Variants in PLEKHH1 observed in about 807,000 individuals in gnomAD.
PLEKHH1 encodes the protein pleckstrin homology domain-containing family H member 1.
In PLEKHH1, 104 loss-of-function variants were observed where a neutral mutation model predicts 160.0. The observed-to-expected ratio is 0.65, with a 90% confidence interval of 0.55 to 0.76. PLEKHH1 has a LOEUF of 0.76. Among genes scored for constraint, PLEKHH1 ranks in the 30% least tolerant of loss-of-function variants. PLEKHH1 has a pLI of 0.00. For synonymous variants in PLEKHH1, 619 were observed against 678.4 expected (o/e 0.91, Z 1.36); for missense variants, 1,427 against 1,724.1 (o/e 0.83, Z 3.05).
chr14:67,537,352 T>A lies in PLEKHH1; in HGVS notation c.-35+3954T>A, dbSNP rs886928385. Reference sequence around the variant, plus strand: ...GAGCGAGACTCCATCTCAAAAATAATAATAATAATAATAATAATAATAATA... The same window carrying A: ...GAGCGAGACTCCATCTCAAAAATAAAAATAATAATAATAATAATAATAATA... On this transcript the variant is annotated intron_variant, in intron 1 of 28. Coordinates refer to ENST00000329153, the MANE Select transcript of PLEKHH1 (RefSeq NM_020715.3). 1.1e-4 allele frequency among the ~76,000 whole-genome samples: 15 copies of A among 131,104 alleles called. 2 individuals carry two copies. Among genetic ancestry groups the A allele is most frequent in the African/African-American group, 4.5e-4 (15 of 33,466 alleles). 86.0% of individuals were successfully genotyped at this position (131,104 alleles called of 152,430 possible).
chr14:67,582,251 CTTAGA>C lies in PLEKHH1; in HGVS notation c.3426+42_3426+46del. 5 of 1,612,684 alleles carry C rather than the reference CTTAGA, an allele frequency of 3.1e-6. No individual in the cohort carries two copies. The highest frequency in any genetic ancestry group is 4.2e-6 in the Non-Finnish European group (5 of 1,179,730). The stretch of plus-strand genomic sequence containing the variant: ...GGAAGCAGGAGGGTCGGGTTGCCAG[CTTAGA>C]ATGAATGCACCATGCAGCCTGAAAC... On this transcript the variant is annotated intron_variant, in intron 24 of 28. Coordinates refer to ENST00000329153, the MANE Select transcript of PLEKHH1 (RefSeq NM_020715.3). The surrounding 1 kb of genome is among the most constrained non-coding windows in gnomAD (Gnocchi z 5.0).
chr14:67,574,139 G>A lies in PLEKHH1; in HGVS notation c.1927-103G>A. 9.6e-7 allele frequency: 1 copy of A among 1,037,470 alleles called. No individual in the cohort carries two copies. Among genetic ancestry groups the A allele is most frequent in the Non-Finnish European group, 1.4e-6 (1 of 720,018 alleles). 64.3% of individuals were successfully genotyped at this position (1,037,470 alleles called of 1,614,324 possible). A position where few individuals can be genotyped will look rare whatever the true frequency, so the allele number is the denominator to read the frequency against. On this transcript the variant is annotated intron_variant, in intron 13 of 28. Transcript: ENST00000329153. This position sits in a 1 kb window ranked among gnomAD's most constrained non-coding sequence, Gnocchi z 4.2. Reference sequence around the variant, plus strand: ...GGAGGGAGCACTAGGGCAGGCAGAAGGCCAGCCCCTTGGGTTCAGGGACAG... The same window carrying A: ...GGAGGGAGCACTAGGGCAGGCAGAAAGCCAGCCCCTTGGGTTCAGGGACAG...
chr14:67,558,136 C>A lies in PLEKHH1; in HGVS notation c.339+718C>A, dbSNP rs117752432. 1.4e-3 allele frequency among the ~76,000 whole-genome samples: 216 copies of A among 152,304 alleles called. 2 individuals carry two copies. In the East Asian group the frequency reaches 0.015, roughly 10 times the overall value. On this transcript the variant is annotated intron_variant, in intron 4 of 28. Transcript: ENST00000329153. ...TCTACCTGCCAGTTCCTGTGTCCTG[C>A]CTTCTCCCCTTCACAATCTCACCAA... is the stretch of plus-strand genomic sequence containing the variant.
intron 2 of PLEKHH1, among the ~76,000 whole-genome samples, chr14:67,545,983 C>G (rs2140343797): frequency 6.6e-6 from 1 of 151,496 alleles, no homozygotes; most frequent in Admixed American, 6.6e-5. Context: ...TCTTAGATTA[C>G]AACAGTTAGA....
chr14:67,574,506 C>A lies in PLEKHH1; in HGVS notation c.2088+103C>A. 1.1e-6 allele frequency: 1 copy of A among 946,814 alleles called. No individual in the cohort carries two copies. The highest frequency in any genetic ancestry group is 2.9e-5 in the East Asian group (1 of 34,112). The allele number at this position is 946,814 out of a possible 1,614,324, so 58.7% of individuals were successfully genotyped here. On this transcript the variant is annotated intron_variant, in intron 14 of 28. Coordinates refer to ENST00000329153, the MANE Select transcript of PLEKHH1 (RefSeq NM_020715.3). The surrounding 1 kb of genome is among the most constrained non-coding windows in gnomAD (Gnocchi z 4.2). ...GTGGGTTCCCCCTTATACGGGGCTC[C>A]TTTCTCTGGGAGCCTCCTCACAGTG...
chr14:67,580,423 T>C (rs2035840556), intron 22 of PLEKHH1: 1 of 168,378 alleles, frequency 5.9e-6, no homozygotes, highest in African/African-American at 2.4e-5. Context: ...GATAAGTGTT[T>C]GTAAGAATGT....
Position 67,574,519 on chromosome 14 carries a change from C to A in PLEKHH1, c.2088+116C>A. The A allele has an allele frequency of 1.2e-6, 1 of 825,046 alleles. No individual in the cohort carries two copies. The highest frequency in any genetic ancestry group is 1.8e-6 in the Non-Finnish European group (1 of 570,904). The allele number at this position is 825,046 out of a possible 1,614,324, so 51.1% of individuals were successfully genotyped here. A position where few individuals can be genotyped will look rare whatever the true frequency, so the allele number is the denominator to read the frequency against. ...TATACGGGGCTCCTTTCTCTGGGAG[C>A]CTCCTCACAGTGACTCGCTGGCCAG... On this transcript the variant is annotated intron_variant, in intron 14 of 28. Coordinates refer to ENST00000329153, the MANE Select transcript of PLEKHH1 (RefSeq NM_020715.3). The surrounding 1 kb of genome is among the most constrained non-coding windows in gnomAD (Gnocchi z 4.2).
At chr14:67,555,956 C>T (rs1470159110) in intron 3 of PLEKHH1, 69 bp downstream of exon 3, 28 of 1,576,556 alleles carry the variant, frequency 1.8e-5, no homozygotes, top group Non-Finnish European at 2.3e-5. Flanking sequence ...GCCCTTCCCA[C>T]GGACACAGGT....
intron 2 of PLEKHH1, 111 bp from the exon 3 acceptor site, chr14:67,555,714 T>G (rs2140388442): frequency 2.0e-6 from 3 of 1,491,818 alleles, no homozygotes; most frequent in South Asian, 2.5e-5. Flanking sequence ...AGATGGGCAC[T>G]TGAAGTCTGG....
At position 67,557,260 on chromosome 14, in the gene PLEKHH1, A is replaced by T; in HGVS notation, c.190-9A>T. The T allele has an allele frequency of 6.2e-7, 1 of 1,612,888 alleles. No individual in the cohort carries two copies. The highest frequency in any genetic ancestry group is 8.5e-7 in the Non-Finnish European group (1 of 1,179,080). On this transcript the variant is annotated splice_polypyrimidine_tract_variant and intron_variant, in intron 3 of 28. Coordinates refer to ENST00000329153, the MANE Select transcript of PLEKHH1 (RefSeq NM_020715.3). Reference sequence around the variant, plus strand: ...TGGGAAGACACTATGAGATCATTGTACTTTTCAGGTGGGTGTCATGGAAGA... The same window carrying T: ...TGGGAAGACACTATGAGATCATTGTTCTTTTCAGGTGGGTGTCATGGAAGA...
intron 2 of PLEKHH1, 68 bp downstream of exon 2, chr14:67,542,061 G>A: frequency 1.4e-6 from 2 of 1,402,308 alleles, no homozygotes; most frequent in Non-Finnish European, 1.9e-6. Context: ...GGCCGTGTGA[G>A]AGAGGGAGAG....
Position 67,589,431 on chromosome 14 carries a change from T to TA in PLEKHH1, c.*2205dup, listed in dbSNP as rs112634439. ...GGCAAAAGTAGCTTTTGAACTGATA[T>TA]AAAAAAAAATGCTGAGTAACAGAAA... is the stretch of plus-strand genomic sequence containing the variant. On this transcript the variant is annotated 3_prime_UTR_variant, in exon 29 of 29. Transcript: ENST00000329153. 5.9e-5 allele frequency: 58 copies of TA among 975,964 alleles called. No individual in the cohort carries two copies. The highest frequency in any genetic ancestry group is 5.2e-4 in the Middle Eastern group (1 of 1,918). The allele number at this position is 975,964 out of a possible 1,614,324, so 60.5% of individuals were successfully genotyped here.
chr14:67,581,851 T>G, intron 23 of PLEKHH1: 1 of 532,522 alleles, frequency 1.9e-6, no homozygotes, highest in South Asian at 2.1e-5. Context: ...ATCTTCAGAA[T>G]GAACCATGCC....
chr14:67,551,953 A>C (rs191535290), intron 2 of PLEKHH1, among the ~76,000 whole-genome samples: 1 of 152,122 alleles, frequency 6.6e-6, no homozygotes, highest in Admixed American at 6.5e-5. Flanking sequence ...GGCTCAGGCC[A>C]CTGCTCGGCA....
intron 1 of PLEKHH1, among the ~76,000 whole-genome samples, chr14:67,539,360 G>A: frequency 6.6e-6 from 1 of 152,210 alleles, no homozygotes; most frequent in East Asian, 1.9e-4. Context: ...ACAATGCAGG[G>A]ATTGTTTAGA....
chr14:67,558,250 A>T (rs991869679), intron 4 of PLEKHH1, among the ~76,000 whole-genome samples: 1 of 151,966 alleles, frequency 6.6e-6, no homozygotes, highest in Admixed American at 6.6e-5. Flanking sequence ...TTCCAACTAA[A>T]CACCCCACAG....
chr14:67,543,753 GT>G (rs1164189182), intron 2 of PLEKHH1, among the ~76,000 whole-genome samples: 2 of 147,668 alleles, frequency 1.4e-5, no homozygotes, highest in African/African-American at 5.0e-5. Flanking sequence ...AGAGACTTCT[GT>G]TTCTAGTAAT....
At chr14:67,569,104 C>T (rs369335806) in intron 7 of PLEKHH1, 34 bp from the exon 8 acceptor site, 29 of 1,481,484 alleles carry the variant, frequency 2.0e-5, no homozygotes, top group African/African-American at 8.2e-5. Context: ...GGCATCATGC[C>T]GGGCCCTGAG....
At chr14:67,560,727 CTTT>C (rs11433194) in intron 5 of PLEKHH1, among the ~76,000 whole-genome samples, 17,550 of 126,134 alleles carry the variant, frequency 0.14, 1,111 homozygotes, top group East Asian at 0.27. Flanking sequence ...GAACATATAT[CTTT>C]TTTTTTTTTT....
Sources: allele counts gnomAD v4.1 joint callset (sites outside exome capture counted in the v4.1 genomes callset), GRCh38; gene constraint gnomAD v4.1.1; non-coding constraint Gnocchi (gnomAD v3.1); transcripts MANE v1.5; gene names NCBI Gene and HGNC (gene_info 2026-07-23, HGNC 2026-07-21).